The following TAFA1 variants were observed in gnomAD, a reference collection of about 807,000 sequenced individuals.
The protein encoded by TAFA1 is TAFA chemokine like family member 1.
A neutral mutation model predicts 18.5 loss-of-function variants in TAFA1; 4 were observed. That is an observed-to-expected ratio of 0.22 (90% CI 0.11 to 0.49). TAFA1 has a LOEUF of 0.49. Ranked by LOEUF, TAFA1 falls within the 20% of genes least tolerant of loss-of-function variation. The probability of loss-of-function intolerance (pLI) is 0.98; values close to 1 mark genes in which losing one functional copy is unlikely to be tolerated. For synonymous variants in TAFA1, 56 were observed against 55.2 expected (o/e 1.01, Z -0.06); for missense variants, 147 against 169.0 (o/e 0.87, Z 0.72).
chr3:68,258,816 A>G (rs532809353), intron 2 of TAFA1, among the ~76,000 whole-genome samples: 1 of 152,328 alleles, frequency 6.6e-6, no homozygotes, highest in South Asian at 2.1e-4. Flanking sequence ...ACTGAACTCT[A>G]TCAGAAATAT....
rs572229014 is a variant in TAFA1 at position 68,425,832 on chromosome 3, C to T, written c.259+8412C>T. On this transcript the variant is annotated intron_variant, in intron 3 of 4. Transcript: ENST00000478136. ...GGCAAAAACCATTCTCAGACCTGTT[C>T]CTGAGGTCAGCAGAGTATTGAAAAA... Among the ~76,000 whole-genome samples the T allele has an allele frequency of 2.6e-5, 4 of 151,854 alleles. No homozygotes were observed. In the East Asian group the frequency reaches 5.8e-4, roughly 22 times the overall value.
chr3:68,475,936 T>G (rs58726756), intron 3 of TAFA1, among the ~76,000 whole-genome samples: 6 of 152,214 alleles, frequency 3.9e-5, no homozygotes, highest in African/African-American at 1.4e-4. Context: ...TTTCATGTGT[T>G]TTTTGGCTGC....
At chr3:68,450,214 T>G (rs1434376843) in intron 3 of TAFA1, among the ~76,000 whole-genome samples, 1 of 152,202 alleles carries the variant, frequency 6.6e-6, no homozygotes, top group Non-Finnish European at 1.5e-5. Context: ...AAAAGAGTGA[T>G]TTGCCTACTT....
At chr3:68,418,061 C>T (rs985056376) in intron 3 of TAFA1, among the ~76,000 whole-genome samples, 1 of 152,026 alleles carries the variant, frequency 6.6e-6, no homozygotes, top group Non-Finnish European at 1.5e-5. Context: ...GGTCAAGAAA[C>T]ATGAAGGTCC....
At chr3:68,437,823 T>C (rs1461377641) in intron 3 of TAFA1, among the ~76,000 whole-genome samples, 2 of 152,110 alleles carry the variant, frequency 1.3e-5, no homozygotes, top group South Asian at 2.1e-4. Context: ...GAAACTCATA[T>C]CCTTCTCGCA....
At chr3:68,160,481 T>A (rs2065912133) in intron 2 of TAFA1, among the ~76,000 whole-genome samples, 1 of 152,212 alleles carries the variant, frequency 6.6e-6, no homozygotes, top group Non-Finnish European at 1.5e-5. Flanking sequence ...GCCCAGAAGA[T>A]AATATCCCCA....
At position 68,116,471 on chromosome 3, in the gene TAFA1, T is replaced by C. The variant is rs2106848208; in HGVS notation, c.118+109727T>C. Among the ~76,000 whole-genome samples the C allele has an allele frequency of 1.3e-5, 2 of 152,344 alleles. 1 individual carries two copies. Among genetic ancestry groups the C allele is most frequent in the South Asian group, 4.1e-4 (2 of 4,826 alleles). Reference sequence around the variant, plus strand: ...GCTAATTTATTTGTAGATCATTCATTCAACTTCGCTATTTCTCTGTTATTC... The same window carrying C: ...GCTAATTTATTTGTAGATCATTCATCCAACTTCGCTATTTCTCTGTTATTC... On this transcript the variant is annotated intron_variant, in intron 2 of 4. Coordinates refer to ENST00000478136, the MANE Select transcript of TAFA1 (RefSeq NM_213609.4).
intron 2 of TAFA1, among the ~76,000 whole-genome samples, chr3:68,307,603 T>A (rs1005119229): frequency 1.4e-5 from 2 of 144,316 alleles, no homozygotes; most frequent in Non-Finnish European, 3.1e-5. Flanking sequence ...TTGCCTCTAC[T>A]TTTTTTTGGA....
intron 2 of TAFA1, among the ~76,000 whole-genome samples, chr3:68,267,483 C>G (rs1050868478): frequency 6.6e-6 from 1 of 152,060 alleles, no homozygotes; most frequent in Admixed American, 6.5e-5. Context: ...GGAAACCAAG[C>G]CTGTGTACCT....
chr3:68,182,001 G>A (rs557710795), intron 2 of TAFA1, among the ~76,000 whole-genome samples: 1 of 152,272 alleles, frequency 6.6e-6, no homozygotes, highest in South Asian at 2.1e-4. Flanking sequence ...GAGCTGGGGA[G>A]CTTGAGACCA....
At chr3:68,506,700 A>G (rs1218135505) in intron 3 of TAFA1, among the ~76,000 whole-genome samples, 1 of 152,138 alleles carries the variant, frequency 6.6e-6, no homozygotes, top group African/African-American at 2.4e-5. Flanking sequence ...ATATATTTTA[A>G]CATATTTCAT....
At chr3:68,359,015 A>G (rs111460461) in intron 2 of TAFA1, among the ~76,000 whole-genome samples, 2 of 152,148 alleles carry the variant, frequency 1.3e-5, no homozygotes, top group African/African-American at 4.8e-5. Context: ...TCTCACCACT[A>G]TAACAAAATG....
chr3:68,034,466 T>C lies in TAFA1; in HGVS notation c.118+27722T>C, dbSNP rs144148333. ...AACTTGCCCAGTAGTGTCACACACT[T>C]AGCAAGTAAGGGAGAAGGATTTGAG... On this transcript the variant is annotated intron_variant, in intron 2 of 4. Transcript: ENST00000478136. Among the ~76,000 whole-genome samples the C allele has an allele frequency of 1.6e-3, 247 of 152,316 alleles. 3 individuals carry two copies. Among genetic ancestry groups the C allele is most frequent in the African/African-American group, 5.5e-3 (228 of 41,580 alleles).
At chr3:68,222,021 G>C (rs2066737671) in intron 2 of TAFA1, among the ~76,000 whole-genome samples, 1 of 152,154 alleles carries the variant, frequency 6.6e-6, no homozygotes, top group Non-Finnish European at 1.5e-5. Flanking sequence ...TGTTGGATCT[G>C]AGCAGACCAA....
intron 2 of TAFA1, among the ~76,000 whole-genome samples, chr3:68,227,925 C>T (rs1278001097): frequency 1.3e-5 from 2 of 152,088 alleles, no homozygotes; most frequent in Non-Finnish European, 2.9e-5. Flanking sequence ...TATCACTGGC[C>T]GTAACTTGGA....
At chr3:68,145,749 T>C in intron 2 of TAFA1, 2 of 617,836 alleles carry the variant, frequency 3.2e-6, no homozygotes, top group Non-Finnish European at 5.8e-6. Flanking sequence ...CATTCCTTAC[T>C]ATGTGATAAA....
chr3:68,458,817 T>C (rs936450991), intron 3 of TAFA1, among the ~76,000 whole-genome samples: 6 of 152,062 alleles, frequency 3.9e-5, no homozygotes, highest in African/African-American at 1.4e-4. Flanking sequence ...GTATCACTAC[T>C]TCCATAAGAA....
chr3:68,325,539 ACT>A (rs2068762251), intron 2 of TAFA1, among the ~76,000 whole-genome samples: 1 of 152,044 alleles, frequency 6.6e-6, no homozygotes, highest in African/African-American at 2.4e-5. Context: ...TATGCTTATC[ACT>A]CTATTAATTT....
At chr3:68,060,868 G>A (rs1021270842) in intron 2 of TAFA1, among the ~76,000 whole-genome samples, 1 of 152,178 alleles carries the variant, frequency 6.6e-6, no homozygotes, top group Non-Finnish European at 1.5e-5. Context: ...TAGTGGTTAG[G>A]CGCTATATAA....
Sources: gnomAD v4.1 joint callset for allele counts (sites outside exome capture counted in the v4.1 genomes callset) on GRCh38, gnomAD v4.1.1 for gene constraint, MANE v1.5 for transcripts, NCBI Gene and HGNC (gene_info 2026-07-23, HGNC 2026-07-21) for gene names.